Variants in STAU1 observed in about 807,000 individuals in gnomAD.
STAU1 encodes the protein staufen double-stranded RNA binding protein 1.
STAU1 carries 13 observed loss-of-function variants against 62.9 expected under a neutral mutation model. The observed-to-expected ratio is 0.21, with a 90% confidence interval of 0.13 to 0.33. The LOEUF (loss-of-function observed/expected upper bound fraction) is 0.33. Ranked by LOEUF, STAU1 falls within the 10% of genes least tolerant of loss-of-function variation. The pLI, the probability that STAU1 is intolerant of heterozygous loss-of-function variation, is 1.00. For synonymous variants in STAU1, 269 were observed against 265.1 expected (o/e 1.01, Z -0.14); for missense variants, 571 against 712.1 (o/e 0.80, Z 2.25).
chr20:49,181,744 C>A (rs1417117126), intron 1 of STAU1, among the ~76,000 whole-genome samples: 1 of 112,866 alleles, frequency 8.9e-6, no homozygotes, highest in Non-Finnish European at 1.7e-5. Flanking sequence ...CCAGCCTGGG[C>A]AACAGAGCAA....
intron 6 of STAU1, among the ~76,000 whole-genome samples, chr20:49,126,867 G>C (rs969996752): frequency 1.3e-5 from 2 of 150,822 alleles, no homozygotes; most frequent in African/African-American, 4.9e-5. Flanking sequence ...GGAGCGGGGT[G>C]GGGGGAAGAA....
At chr20:49,135,174 G>C (rs113695893) in intron 6 of STAU1, among the ~76,000 whole-genome samples, 2 of 69,992 alleles carry the variant, frequency 2.9e-5, no homozygotes, top group Non-Finnish European at 4.2e-5. Flanking sequence ...TGGGAGAAAA[G>C]AAAGTGGGTT....
chr20:49,163,342 T>C (rs557272773), intron 3 of STAU1, among the ~76,000 whole-genome samples: 1 of 152,080 alleles, frequency 6.6e-6, no homozygotes, highest in Admixed American at 6.6e-5. Context: ...TTCATAAGAA[T>C]ATTGGTTTTA....
intron 5 of STAU1, among the ~76,000 whole-genome samples, chr20:49,137,355 G>A (rs1002256232): frequency 2.0e-5 from 3 of 152,142 alleles, no homozygotes; most frequent in Non-Finnish European, 4.4e-5. Context: ...AATCAGGGAT[G>A]AGATTAAAGA....
the STAU1 span, among the ~76,000 whole-genome samples, chr20:49,193,866 G>A: frequency 6.6e-6 from 1 of 152,052 alleles, no homozygotes; most frequent in African/African-American, 2.4e-5. Context: ...CTACTCAGGA[G>A]GCTGAGTCAG....
At chr20:49,203,211 C>T in the STAU1 span, among the ~76,000 whole-genome samples, 2 of 151,904 alleles carry the variant, frequency 1.3e-5, no homozygotes, top group Non-Finnish European at 1.5e-5. Context: ...GATCACCTGA[C>T]GTCAGCAGTT....
chr20:49,140,759 T>C (rs2092989372), intron 5 of STAU1, among the ~76,000 whole-genome samples: 1 of 152,228 alleles, frequency 6.6e-6, no homozygotes, highest in African/African-American at 2.4e-5. Context: ...TTAATGCCAC[T>C]GGTGCACTTA....
chr20:49,141,160 T>G (rs1185010998), intron 5 of STAU1, among the ~76,000 whole-genome samples: 2 of 152,212 alleles, frequency 1.3e-5, no homozygotes, highest in Admixed American at 1.3e-4. Context: ...CAATTAGGTT[T>G]AACTTTTATT....
chr20:49,157,490 T>A (rs1303513895), intron 3 of STAU1, among the ~76,000 whole-genome samples: 2 of 152,018 alleles, frequency 1.3e-5, no homozygotes, highest in Non-Finnish European at 2.9e-5. Flanking sequence ...ATTTTTTTTT[T>A]TTATTTTTTT....
At chr20:49,133,561 T>C (rs1224185106) in intron 6 of STAU1, among the ~76,000 whole-genome samples, 2 of 152,156 alleles carry the variant, frequency 1.3e-5, no homozygotes, top group Non-Finnish European at 2.9e-5. Context: ...CACTCAACTG[T>C]GAGCCCAAAC....
At chr20:49,145,422 T>C (rs1381486915) in intron 5 of STAU1, among the ~76,000 whole-genome samples, 1 of 36,326 alleles carries the variant, frequency 2.8e-5, no homozygotes, top group Non-Finnish European at 4.5e-5. Flanking sequence ...AGACTCCGTC[T>C]CAAAAAAAAA....
At chr20:49,217,068 A>G in the STAU1 span, among the ~76,000 whole-genome samples, 1 of 152,076 alleles carries the variant, frequency 6.6e-6, no homozygotes, top group East Asian at 1.9e-4. Context: ...AACCTTGGAG[A>G]ATGAGGCGCT....
At chr20:49,176,453 A>T (rs1484853907) in intron 1 of STAU1, among the ~76,000 whole-genome samples, 1 of 152,168 alleles carries the variant, frequency 6.6e-6, no homozygotes, top group Non-Finnish European at 1.5e-5. Context: ...AGTAACACAG[A>T]ATTTCTTACC....
At chr20:49,124,821 G>C (rs1273696235) in intron 6 of STAU1, among the ~76,000 whole-genome samples, 3 of 152,156 alleles carry the variant, frequency 2.0e-5, no homozygotes, top group Non-Finnish European at 2.9e-5. Flanking sequence ...GAAATAGGGA[G>C]ACCTTTTTAC....
rs73132105 is a variant in STAU1 at position 49,115,001 on chromosome 20, A to G, written c.1719-108T>C. On this transcript the variant is annotated intron_variant, in intron 13 of 13. Transcript: ENST00000371856. ...AAACATCAGGAAGTACAATACTAAAAGCCCCAGTTTATGATAACAAAAGTT... is the reference window on the plus strand; with the variant it reads ...AAACATCAGGAAGTACAATACTAAAGGCCCCAGTTTATGATAACAAAAGTT... 8,898 of 1,183,676 alleles carry G rather than the reference A, an allele frequency of 7.5e-3. 54 individuals are homozygous for G. The highest frequency in any genetic ancestry group is 7.9e-3 in the Non-Finnish European group (6,393 of 814,360). 73.3% of individuals were successfully genotyped at this position (1,183,676 alleles called of 1,614,324 possible). A position where few individuals can be genotyped will look rare whatever the true frequency, so the allele number is the denominator to read the frequency against.
At chr20:49,141,250 C>T (rs1424979631) in intron 5 of STAU1, among the ~76,000 whole-genome samples, 1 of 151,690 alleles carries the variant, frequency 6.6e-6, no homozygotes, top group Admixed American at 6.6e-5. Flanking sequence ...TATCCAATGT[C>T]AATAGTTAAG....
chr20:49,166,392 C>T, intron 2 of STAU1, 107 bp from the exon 3 acceptor site: 2 of 585,676 alleles, frequency 3.4e-6, no homozygotes, highest in Non-Finnish European at 6.1e-6. Flanking sequence ...GAAAATAGCT[C>T]CATTTAGCAT....
intron 3 of STAU1, chr20:49,158,877 TG>T: frequency 8.6e-7 from 1 of 1,159,566 alleles, no homozygotes; most frequent in Non-Finnish European, 1.1e-6. Context: ...CACTCCAGCC[TG>T]GGCCACAGAA....
Position 49,125,071 on chromosome 20 carries a change from T to TA in STAU1, c.610-485dup, listed in dbSNP as rs11473077. On this transcript the variant is annotated intron_variant, in intron 6 of 13. Coordinates refer to ENST00000371856, the MANE Select transcript of STAU1 (RefSeq NM_017453.4). ...AGAGGGATTCCCCGCACACATTAAGTAAAAAAAAAAAAAAAAAAAACCCAC... is the reference window on the plus strand; with the variant it reads ...AGAGGGATTCCCCGCACACATTAAGTAAAAAAAAAAAAAAAAAAAAACCCAC... Among the ~76,000 whole-genome samples the TA allele has an allele frequency of 8.2e-3, 685 of 83,834 alleles. 38 individuals are homozygous for TA. The highest frequency in any genetic ancestry group is 0.013 in the Middle Eastern group (1 of 78). The allele number at this position is 83,834 out of a possible 152,430, so 55.0% of individuals were successfully genotyped here.
Sources: allele counts gnomAD v4.1 joint callset (sites outside exome capture counted in the v4.1 genomes callset), GRCh38; gene constraint gnomAD v4.1.1; transcripts MANE v1.5; gene names NCBI Gene and HGNC (gene_info 2026-07-23, HGNC 2026-07-21).